PDE3B: variants seen among roughly 807,000 people sequenced by gnomAD.
PDE3B encodes the protein cGMP-inhibited 3',5'-cyclic phosphodiesterase 3B.
A neutral mutation model predicts 116.8 loss-of-function variants in PDE3B; 66 were observed. The ratio of observed to expected loss-of-function variants is 0.56; its 90% CI spans 0.46 to 0.69. The LOEUF is 0.69. PDE3B is among the 30% of genes least tolerant of loss of function. PDE3B has a pLI of 0.00. For synonymous variants in PDE3B, 595 were observed against 533.6 expected (o/e 1.12, Z -1.59); for missense variants, 1,384 against 1,368.1 (o/e 1.01, Z -0.18).
At chr11:14,869,351 G>A (rs1555008635) in intron 15 of PDE3B, 110 bp from the exon 16 acceptor site, 2 of 696,162 alleles carry the variant, frequency 2.9e-6, no homozygotes, top group Non-Finnish European at 2.4e-6. Flanking sequence ...TTATAGTACT[G>A]TTTACTTTTA....
intron 4 of PDE3B, among the ~76,000 whole-genome samples, chr11:14,794,676 T>C (rs1034781086): frequency 4.6e-5 from 7 of 152,164 alleles, no homozygotes; most frequent in African/African-American, 1.7e-4. Context: ...GGTTAAGGAC[T>C]CAGTCCGACA....
At chr11:14,671,842 A>G (rs1854376286) in intron 1 of PDE3B, among the ~76,000 whole-genome samples, 1 of 151,844 alleles carries the variant, frequency 6.6e-6, no homozygotes, top group Non-Finnish European at 1.5e-5. Context: ...AGTTTGGGCA[A>G]CATAGCAAGA....
intron 4 of PDE3B, among the ~76,000 whole-genome samples, chr11:14,793,557 G>A (rs951313269): frequency 2.0e-5 from 3 of 152,096 alleles, no homozygotes; most frequent in Admixed American, 6.6e-5. Flanking sequence ...AAAGAAGACT[G>A]AACTGCTATT....
chr11:14,898,426 C>T, the PDE3B span, among the ~76,000 whole-genome samples: 12 of 152,262 alleles, frequency 7.9e-5, no homozygotes, highest in South Asian at 2.5e-3. Context: ...TTATGCCTCA[C>T]ACCACAATGA....
chr11:14,658,632 G>A (rs552357019), intron 1 of PDE3B, among the ~76,000 whole-genome samples: 1 of 152,188 alleles, frequency 6.6e-6, no homozygotes, highest in East Asian at 1.9e-4. Flanking sequence ...TGAGATTACA[G>A]GCATGAGCCA....
intron 1 of PDE3B, among the ~76,000 whole-genome samples, chr11:14,691,793 A>T (rs751639063): frequency 4.6e-5 from 7 of 152,190 alleles, no homozygotes; most frequent in Non-Finnish European, 8.8e-5. Flanking sequence ...GTTGTATAGG[A>T]TGATATTTCA....
intron 1 of PDE3B, among the ~76,000 whole-genome samples, chr11:14,657,755 T>G (rs1853758773): frequency 6.6e-6 from 1 of 152,182 alleles, no homozygotes; most frequent in Non-Finnish European, 1.5e-5. Flanking sequence ...TAATGTAAGA[T>G]AAAAAGTGAA....
chr11:14,725,285 TTCTTTTTCTTTC>T (rs1856255430), intron 1 of PDE3B, among the ~76,000 whole-genome samples: 1 of 149,604 alleles, frequency 6.7e-6, no homozygotes, highest in African/African-American at 2.5e-5. Flanking sequence ...TTTTCTTTCT[TTCTTTTTCTTTC>T]TTTCTTTCTT....
In PDE3B at chr11:14,867,395, A is replaced by G. The variant is rs1590204681; in HGVS notation, c.2887-111A>G. 10 of 850,140 alleles carry G rather than the reference A, an allele frequency of 1.2e-5. No individual in the cohort carries two copies. In the Admixed American group the frequency reaches 2.8e-4, roughly 24 times the overall value. 52.7% of individuals were successfully genotyped at this position (850,140 alleles called of 1,614,324 possible). On this transcript the variant is annotated intron_variant, in intron 14 of 15. Transcript: ENST00000282096. ...AGATTGATGCTTATTCATAAAAAAT[A>G]TTTTGATATAGATTGTTTATTTTAA...
At chr11:14,748,931 C>T (rs575084204) in intron 1 of PDE3B, among the ~76,000 whole-genome samples, 30 of 151,196 alleles carry the variant, frequency 2.0e-4, no homozygotes, top group African/African-American at 7.0e-4. Context: ...CTCTTTTGCC[C>T]AGGCTGGAGT....
At chr11:14,659,675 G>A (rs1853831630) in intron 1 of PDE3B, among the ~76,000 whole-genome samples, 1 of 152,150 alleles carries the variant, frequency 6.6e-6, no homozygotes, top group African/African-American at 2.4e-5. Context: ...GTAGGCCCCA[G>A]TGTGTGCTGT....
At chr11:14,722,448 A>G (rs1313868542) in intron 1 of PDE3B, among the ~76,000 whole-genome samples, 1 of 152,226 alleles carries the variant, frequency 6.6e-6, no homozygotes, top group Non-Finnish European at 1.5e-5. Flanking sequence ...GAGACATGCC[A>G]TTGAGTCAAG....
chr11:14,670,573 G>A (rs1854333042), intron 1 of PDE3B, among the ~76,000 whole-genome samples: 3 of 152,108 alleles, frequency 2.0e-5, no homozygotes, highest in Admixed American at 1.3e-4. Context: ...AATTAGAATA[G>A]GTTAGCTCAT....
rs575340281 is a variant in PDE3B at position 14,849,966 on chromosome 11, G to T, written c.2520+5940G>T. The stretch of plus-strand genomic sequence containing the variant: ...GGATCTAGAACTAGAAATACCATTT[G>T]ACCTAGCCATCCCATTACTGGGTAT... On this transcript the variant is annotated intron_variant, in intron 12 of 15. Transcript: ENST00000282096. 1.6e-4 allele frequency among the ~76,000 whole-genome samples: 25 copies of T among 152,160 alleles called. 1 individual carries two copies. In the South Asian group the frequency reaches 5.2e-3, roughly 32 times the overall value.
intron 1 of PDE3B, among the ~76,000 whole-genome samples, chr11:14,653,637 C>A (rs1853627272): frequency 6.6e-6 from 1 of 151,588 alleles, no homozygotes; most frequent in Admixed American, 6.6e-5. Flanking sequence ...AATATAAAAA[C>A]ACGTTTATTA....
At chr11:14,782,633 G>A (rs527916120) in intron 2 of PDE3B, among the ~76,000 whole-genome samples, 3 of 152,246 alleles carry the variant, frequency 2.0e-5, no homozygotes, top group South Asian at 4.2e-4. Flanking sequence ...AGACTTAAAC[G>A]TTAGACCTAA....
chr11:14,811,121 C>T lies in PDE3B; in HGVS notation c.1523-7062C>T, dbSNP rs987229416. 6.6e-5 allele frequency among the ~76,000 whole-genome samples: 10 copies of T among 152,038 alleles called. No homozygotes were observed. The East Asian group carries it at 7.7e-4, about 12-fold the overall frequency. ...AATTTTCTCCCATTTTGTAGGTTGC[C>T]TGTTCACTCTGATGGTAGTTTCTTT... On this transcript the variant is annotated intron_variant, in intron 5 of 15. Transcript: ENST00000282096.
chr11:14,719,276 A>G (rs1856022517), intron 1 of PDE3B, among the ~76,000 whole-genome samples: 1 of 48,316 alleles, frequency 2.1e-5, no homozygotes, highest in African/African-American at 7.7e-5. Flanking sequence ...TGTGGCAATA[A>G]TCTATAGTTT....
At chr11:14,853,272 TG>T (rs1847790662) in intron 12 of PDE3B, among the ~76,000 whole-genome samples, 2 of 152,246 alleles carry the variant, frequency 1.3e-5, no homozygotes, top group African/African-American at 4.8e-5. Flanking sequence ...TTATGTACTT[TG>T]TTTTTTATAT....
Sources: allele counts gnomAD v4.1 joint callset (sites outside exome capture counted in the v4.1 genomes callset), GRCh38; gene constraint gnomAD v4.1.1; transcripts MANE v1.5; gene names NCBI Gene and HGNC (gene_info 2026-07-23, HGNC 2026-07-21).